Variants in DAB1 observed in about 807,000 individuals in gnomAD.
The protein encoded by DAB1 is DAB adaptor protein 1.
DAB1 carries 15 observed loss-of-function variants against 64.6 expected under a neutral mutation model. The observed-to-expected ratio is 0.23, with a 90% CI of 0.16 to 0.36. The LOEUF is 0.36. DAB1 is among the 10% of genes least tolerant of loss of function. DAB1 has a pLI of 1.00. For missense variants in DAB1, 596 were observed against 706.7 expected (o/e 0.84, Z 1.78); for synonymous variants, 235 against 251.9 (o/e 0.93, Z 0.64).
chr1:58,026,294 G>A (rs1228103876), intron 5 of DAB1, among the ~76,000 whole-genome samples: 2 of 152,078 alleles, frequency 1.3e-5, no homozygotes, highest in Non-Finnish European at 2.9e-5. Flanking sequence ...AGTGTAGGCT[G>A]AGCAGCACAG....
At chr1:57,191,991 T>C (rs1180515870) in intron 2 of DAB1, among the ~76,000 whole-genome samples, 1 of 152,058 alleles carries the variant, frequency 6.6e-6, no homozygotes, top group Non-Finnish European at 1.5e-5. Context: ...ATCGCTGCTC[T>C]TAGGGTCACA....
intron 4 of DAB1, among the ~76,000 whole-genome samples, chr1:57,123,886 G>C (rs975606533): frequency 6.6e-6 from 1 of 152,038 alleles, no homozygotes; most frequent in East Asian, 1.9e-4. Flanking sequence ...TCTTGATTGG[G>C]TTTATATCTA....
chr1:57,568,682 C>T (rs969398193), intron 7 of DAB1, among the ~76,000 whole-genome samples: 2 of 152,162 alleles, frequency 1.3e-5, no homozygotes, highest in Non-Finnish European at 2.9e-5. Context: ...AAAAAATGCT[C>T]ATCATCACTG....
intron 3 of DAB1, among the ~76,000 whole-genome samples, chr1:57,144,104 A>G (rs1206941825): frequency 6.6e-6 from 1 of 151,846 alleles, no homozygotes; most frequent in East Asian, 1.9e-4. Context: ...ACACAAAAAT[A>G]TTGACACTGA....
At chr1:58,048,182 C>T (rs542841428) in intron 5 of DAB1, 2 of 1,319,838 alleles carry the variant, frequency 1.5e-6, no homozygotes, top group East Asian at 4.6e-5. Flanking sequence ...TAATTAAAAT[C>T]TTCTGCCACT....
chr1:58,435,501 G>A (rs1283280333), intron 3 of DAB1, among the ~76,000 whole-genome samples: 1 of 152,192 alleles, frequency 6.6e-6, no homozygotes, highest in Middle Eastern at 3.4e-3. Flanking sequence ...CACCTCCACT[G>A]GACGTCCCAC....
chr1:58,193,626 C>T (rs190401376), intron 4 of DAB1, among the ~76,000 whole-genome samples: 21 of 152,156 alleles, frequency 1.4e-4, no homozygotes, highest in African/African-American at 4.6e-4. Flanking sequence ...GAGGTCGAGG[C>T]GGGTGGATCA....
At chr1:57,311,898 C>T (rs1451500063) in intron 1 of DAB1, among the ~76,000 whole-genome samples, 1 of 152,150 alleles carries the variant, frequency 6.6e-6, no homozygotes, top group African/African-American at 2.4e-5. Context: ...AAGGTGAAGT[C>T]AGTCTTCTAC....
intron 1 of DAB1, among the ~76,000 whole-genome samples, chr1:57,334,813 T>A (rs1227638830): frequency 6.6e-6 from 1 of 152,126 alleles, no homozygotes; most frequent in African/African-American, 2.4e-5. Context: ...ATCTGGCTAG[T>A]AATAGTAGAG....
intron 4 of DAB1, among the ~76,000 whole-genome samples, chr1:57,090,210 T>C (rs1653515877): frequency 6.6e-6 from 1 of 152,162 alleles, no homozygotes. Context: ...TACAGCTGGC[T>C]CCAAGAGCAT....
chr1:57,242,822 G>T (rs886364647), intron 2 of DAB1, among the ~76,000 whole-genome samples: 15 of 151,990 alleles, frequency 9.9e-5, no homozygotes, highest in Non-Finnish European at 2.2e-4. Flanking sequence ...ACCCTTTCTC[G>T]CTAAGCATTT....
chr1:58,525,568 T>C lies in DAB1; in HGVS notation n.107+1693A>G, dbSNP rs544013848. Among the ~76,000 whole-genome samples the C allele has an allele frequency of 1.6e-3, 248 of 152,112 alleles. 1 individual carries two copies. The highest frequency in any genetic ancestry group is 5.8e-3 in the African/African-American group (242 of 41,518). ...TCAAAACATCGAGAAAAATTAAACA[T>C]CTAAACAAACTGGAAAATATATCAT... is the stretch of plus-strand genomic sequence containing the variant. On this transcript the variant is annotated intron_variant and non_coding_transcript_variant, in intron 2 of 20. Coordinates refer to the DAB1 transcript ENST00000485760.
chr1:58,522,890 T>C (rs1421106328), intron 2 of DAB1, among the ~76,000 whole-genome samples: 1 of 152,150 alleles, frequency 6.6e-6, no homozygotes, highest in Non-Finnish European at 1.5e-5. Flanking sequence ...CTGAGTAGAC[T>C]GAGAAGGAAG....
chr1:57,689,942 T>C (rs956226022), intron 6 of DAB1, among the ~76,000 whole-genome samples: 1 of 152,060 alleles, frequency 6.6e-6, no homozygotes, highest in Non-Finnish European at 1.5e-5. Flanking sequence ...ATAATTCTAT[T>C]CTCTATCTCT....
intron 14 of DAB1, among the ~76,000 whole-genome samples, chr1:57,001,798 T>G (rs568180589): frequency 4.3e-4 from 66 of 152,314 alleles, no homozygotes; most frequent in Admixed American, 1.0e-3. Context: ...GTTCCTAAAG[T>G]TCATACTTTA....
intron 3 of DAB1, chr1:58,480,862 A>C: frequency 1.5e-6 from 1 of 677,448 alleles, no homozygotes; most frequent in Non-Finnish European, 2.5e-6. Context: ...TTGACCCTGA[A>C]TATCCTTTTT....
At chr1:57,971,260 T>G (rs1478113083) in intron 5 of DAB1, among the ~76,000 whole-genome samples, 1 of 152,190 alleles carries the variant, frequency 6.6e-6, no homozygotes, top group Non-Finnish European at 1.5e-5. Flanking sequence ...GTTCACAAAC[T>G]CCCTTATTTG....
At chr1:57,423,824 C>T (rs149767434) in intron 1 of DAB1, 106 bp downstream of exon 1, 6,728 of 152,290 alleles carry the variant, frequency 0.044, 165 homozygotes, top group South Asian at 0.088. Flanking sequence ...CCCTCCTCCG[C>T]GCCCCGGGGC....
chr1:57,083,691 G>A (rs938016961), intron 4 of DAB1, among the ~76,000 whole-genome samples: 1 of 152,190 alleles, frequency 6.6e-6, no homozygotes, highest in Non-Finnish European at 1.5e-5. Flanking sequence ...TGCTGCATTA[G>A]GAGTGAGACG....
Sources: allele counts gnomAD v4.1 joint callset (sites outside exome capture counted in the v4.1 genomes callset), GRCh38; gene constraint gnomAD v4.1.1; transcripts MANE v1.5; gene names NCBI Gene and HGNC (gene_info 2026-07-23, HGNC 2026-07-21).